COPS5: variants seen among roughly 807,000 people sequenced by gnomAD.
COPS5 encodes COP9 signalosome subunit 5, also known as COP9 signalosome complex subunit 5.
In COPS5, 8 loss-of-function variants were observed where a neutral mutation model predicts 44.4. That is an observed-to-expected ratio of 0.18 (90% CI 0.11 to 0.32). The LOEUF is 0.32. Among genes scored for constraint, COPS5 ranks in the 10% least tolerant of loss-of-function variants. The pLI, the probability that COPS5 is intolerant of heterozygous loss-of-function variation, is 1.00. For missense variants in COPS5, 159 were observed against 406.4 expected, an observed-to-expected ratio of 0.39 and a Z score of 5.23; for synonymous variants, 122 against 142.8, an observed-to-expected ratio of 0.85 and a Z score of 1.04.
chr8:67,061,414 G>A (rs370231365), intron 1 of COPS5: 1 of 451,472 alleles, frequency 2.2e-6, no homozygotes, highest in Non-Finnish European at 4.4e-6. Flanking sequence ...ACACAGCGAG[G>A]ACCCATTTCT....
At chr8:67,060,505 G>A in intron 1 of COPS5, 1 of 1,289,206 alleles carries the variant, frequency 7.8e-7, no homozygotes, top group Non-Finnish European at 1.0e-6. Flanking sequence ...ACCTCATGTT[G>A]GAAGTCAAGA....
rs1425398231 is a variant in COPS5 at position 67,062,115 on chromosome 8, T to G, written c.-119A>C. On this transcript the variant is annotated 5_prime_UTR_variant, in exon 1 of 8. Coordinates refer to ENST00000357849, the MANE Select transcript of COPS5 (RefSeq NM_006837.3). ...GGGAACAAACTCTTACCTAGACTCT[T>G]GGGGCAGCCATGACACCTAGAACCG... 1 of 1,556,152 alleles carries G rather than the reference T, an allele frequency of 6.4e-7. No individual in the cohort carries two copies. The highest frequency in any genetic ancestry group is 1.9e-5 in the Admixed American group (1 of 52,188).
intron 5 of COPS5, among the ~76,000 whole-genome samples, chr8:67,054,518 C>T (rs1355650185): frequency 1.3e-5 from 2 of 152,026 alleles, no homozygotes; most frequent in African/African-American, 4.8e-5. Flanking sequence ...TGCCTGTAGT[C>T]CCTGGGCAAC....
At chr8:67,060,401 C>T (rs1251530961) in intron 1 of COPS5, 1 of 1,279,416 alleles carries the variant, frequency 7.8e-7, no homozygotes, top group African/African-American at 1.5e-5. Context: ...GTCAACGTCT[C>T]TACAAAGCCT....
At chr8:67,055,513 G>A (rs1025354564) in intron 5 of COPS5, among the ~76,000 whole-genome samples, 1 of 152,026 alleles carries the variant, frequency 6.6e-6, no homozygotes, top group African/African-American at 2.4e-5. Context: ...TGTCCCCATT[G>A]GCTTCTTTAA....
intron 3 of COPS5, among the ~76,000 whole-genome samples, chr8:67,057,707 C>T (rs113401015): frequency 6.3e-4 from 96 of 152,220 alleles, no homozygotes; most frequent in African/African-American, 2.1e-3. Context: ...TTTCTTTTGT[C>T]CTTTTAAGAG....
intron 7 of COPS5, chr8:67,043,973 G>C (rs567448920): frequency 6.6e-6 from 1 of 152,220 alleles, no homozygotes; most frequent in Non-Finnish European, 1.5e-5. Flanking sequence ...ACTGATAAAT[G>C]ACATACATAA....
intron 1 of COPS5, chr8:67,061,633 T>C (rs1804631613): frequency 8.9e-6 from 5 of 561,538 alleles, no homozygotes; most frequent in Admixed American, 3.1e-5. Context: ...CCGCTTGTTG[T>C]TCTCCCCTTA....
chr8:67,057,018 T>C (rs973866861), intron 4 of COPS5, among the ~76,000 whole-genome samples: 9 of 152,156 alleles, frequency 5.9e-5, no homozygotes, highest in Admixed American at 2.6e-4. Context: ...AGATACTTAT[T>C]AATAAATAAA....
chr8:67,046,911 T>C (rs928577746), intron 6 of COPS5, among the ~76,000 whole-genome samples: 43 of 140,270 alleles, frequency 3.1e-4, no homozygotes, highest in African/African-American at 1.1e-3. Flanking sequence ...TGTAGAGCAA[T>C]ATAAAGAAGT....
intron 6 of COPS5, among the ~76,000 whole-genome samples, chr8:67,046,771 C>T (rs1045629659): frequency 1.5e-5 from 2 of 135,602 alleles, no homozygotes; most frequent in African/African-American, 5.7e-5. Context: ...TGCAGTGAGC[C>T]GAGATTGCGC....
At position 67,051,346 on chromosome 8, in the gene COPS5, G is replaced by GA; in HGVS notation, c.660-6dup. The GA allele has an allele frequency of 6.6e-7, 1 of 1,515,172 alleles. No homozygotes were observed. The highest frequency in any genetic ancestry group is 1.2e-5 in the South Asian group (1 of 85,434). The allele number at this position is 1,515,172 out of a possible 1,614,324, so 93.9% of individuals were successfully genotyped here. A position where few individuals can be genotyped will look rare whatever the true frequency, so the allele number is the denominator to read the frequency against. On this transcript the variant is annotated splice_region_variant and splice_polypyrimidine_tract_variant and intron_variant, in intron 5 of 7. Coordinates refer to ENST00000357849, the MANE Select transcript of COPS5 (RefSeq NM_006837.3). ...GAGACTTCTAAGGCATAATATCTAT[G>GA]AAATAAAAGCATAAAATTTAGTAAG...
chr8:67,061,572 G>C, intron 1 of COPS5: 1 of 469,590 alleles, frequency 2.1e-6, no homozygotes, highest in Non-Finnish European at 3.9e-6. Flanking sequence ...TCAAGGTAGG[G>C]TGTGTGGCAT....
intron 2 of COPS5, 33 bp downstream of exon 2, chr8:67,059,178 C>T (rs927237010): frequency 1.3e-6 from 2 of 1,511,166 alleles, no homozygotes; most frequent in Admixed American, 1.7e-5. Context: ...CTCTAACTTG[C>T]AATTACTAAA....
At chr8:67,051,871 A>G (rs531625134) in intron 5 of COPS5, among the ~76,000 whole-genome samples, 149 of 152,328 alleles carry the variant, frequency 9.8e-4, no homozygotes, top group African/African-American at 3.4e-3. Context: ...TCATCAGGGC[A>G]TAGTAAGGAA....
At chr8:67,054,248 A>G (rs921505369) in intron 5 of COPS5, among the ~76,000 whole-genome samples, 5 of 152,198 alleles carry the variant, frequency 3.3e-5, no homozygotes, top group Admixed American at 3.3e-4. Context: ...GGGAAAGTAG[A>G]TCTGTTTGAA....
chr8:67,053,443 A>G (rs1804448919), intron 5 of COPS5, among the ~76,000 whole-genome samples: 2 of 151,210 alleles, frequency 1.3e-5, no homozygotes, highest in East Asian at 2.0e-4. Context: ...GCTCACGCCT[A>G]TAATCCCAGC....
chr8:67,057,483 ACTG>A, intron 3 of COPS5, 38 bp from the exon 4 acceptor site: 1 of 1,372,404 alleles, frequency 7.3e-7, no homozygotes, highest in Non-Finnish European at 1.0e-6. Flanking sequence ...CTGATATAAA[ACTG>A]TATGCCTTTT....
At chr8:67,052,486 C>A (rs1804431366) in intron 5 of COPS5, among the ~76,000 whole-genome samples, 2 of 150,016 alleles carry the variant, frequency 1.3e-5, no homozygotes, top group South Asian at 4.3e-4. Context: ...GGCACAATCT[C>A]AGCTCACCAC....
Sources: allele counts gnomAD v4.1 joint callset (sites outside exome capture counted in the v4.1 genomes callset), GRCh38; gene constraint gnomAD v4.1.1; transcripts MANE v1.5; gene names NCBI Gene and HGNC (gene_info 2026-07-23, HGNC 2026-07-21).